The following LRCH1 variants were observed in gnomAD, a reference collection of about 807,000 sequenced individuals.
LRCH1 encodes the protein leucine rich repeats and calponin homology domain containing 1.
Under a neutral mutation model 94.9 loss-of-function variants are expected in LRCH1, and 23 were observed. The observed-to-expected ratio is 0.24, with a 90% CI of 0.17 to 0.34. The LOEUF is 0.34. LRCH1 is among the 10% of genes least tolerant of loss of function. LRCH1 has a pLI of 1.00. For synonymous variants in LRCH1, 364 were observed against 354.9 expected (o/e 1.03, Z -0.29); for missense variants, 790 against 945.9 (o/e 0.84, Z 2.16).
chr13:46,677,274 A>T (rs936759104), intron 3 of LRCH1, among the ~76,000 whole-genome samples: 2 of 150,540 alleles, frequency 1.3e-5, no homozygotes, highest in African/African-American at 4.9e-5. Context: ...AAAAAAAAAA[A>T]AAAAGTTAGC....
chr13:46,661,352 T>C (rs2051445556), intron 2 of LRCH1, among the ~76,000 whole-genome samples: 1 of 152,226 alleles, frequency 6.6e-6, no homozygotes, highest in Non-Finnish European at 1.5e-5. Context: ...GTTGTGAATA[T>C]AAATAAAATA....
intron 1 of LRCH1, among the ~76,000 whole-genome samples, chr13:46,597,897 C>G (rs1183263143): frequency 1.3e-5 from 2 of 152,092 alleles, no homozygotes; most frequent in South Asian, 2.1e-4. Flanking sequence ...GAACCTAACC[C>G]TGTGTTTCCC....
intron 1 of LRCH1, among the ~76,000 whole-genome samples, chr13:46,626,335 A>G (rs947828133): frequency 3.3e-5 from 5 of 152,186 alleles, no homozygotes; most frequent in African/African-American, 1.2e-4. Flanking sequence ...AAACGTATAC[A>G]TCCAGATGGC....
At chr13:46,717,871 T>G (rs547957217) in intron 16 of LRCH1, among the ~76,000 whole-genome samples, 1 of 152,202 alleles carries the variant, frequency 6.6e-6, no homozygotes. Context: ...AAACTTATTC[T>G]TCAAACAGAT....
chr13:46,669,562 G>A (rs920190812), intron 3 of LRCH1, among the ~76,000 whole-genome samples: 2 of 152,186 alleles, frequency 1.3e-5, no homozygotes, highest in African/African-American at 4.8e-5. Context: ...AGAATGGGGT[G>A]CTCTGATTCT....
chr13:46,607,607 TCTC>T (rs2050702162), intron 1 of LRCH1, among the ~76,000 whole-genome samples: 1 of 152,028 alleles, frequency 6.6e-6, no homozygotes. Context: ...TCCTTCTCCT[TCTC>T]CTTCTCTTTC....
chr13:46,634,068 C>T (rs1027502430), intron 1 of LRCH1, among the ~76,000 whole-genome samples: 4 of 151,836 alleles, frequency 2.6e-5, no homozygotes, highest in South Asian at 2.1e-4. Flanking sequence ...TTAGTAGAGA[C>T]GGGGTTTCAC....
chr13:46,609,492 G>C (rs974584670), intron 1 of LRCH1, among the ~76,000 whole-genome samples: 2 of 152,138 alleles, frequency 1.3e-5, no homozygotes, highest in Admixed American at 1.3e-4. Context: ...TAAACATGTA[G>C]CTACTGATAT....
At chr13:46,708,434 G>T (rs1871887045) in intron 13 of LRCH1, among the ~76,000 whole-genome samples, 1 of 151,952 alleles carries the variant, frequency 6.6e-6, no homozygotes, top group Non-Finnish European at 1.5e-5. Flanking sequence ...ACCATGCCTG[G>T]CTAATTTTTG....
At chr13:46,609,044 C>T (rs181291458) in intron 1 of LRCH1, among the ~76,000 whole-genome samples, 21 of 152,310 alleles carry the variant, frequency 1.4e-4, no homozygotes, top group Non-Finnish European at 2.4e-4. Flanking sequence ...AAGCAGCCTC[C>T]ACCCAGGCAT....
intron 2 of LRCH1, among the ~76,000 whole-genome samples, chr13:46,660,265 C>T (rs553953960): frequency 2.0e-5 from 3 of 152,116 alleles, no homozygotes; most frequent in East Asian, 3.9e-4. Context: ...CCACCCACCT[C>T]GGCCTCCCAA....
chr13:46,734,909 T>C (rs1227292513), intron 19 of LRCH1, among the ~76,000 whole-genome samples: 1 of 152,234 alleles, frequency 6.6e-6, no homozygotes, highest in Non-Finnish European at 1.5e-5. Context: ...TTCTACTCAG[T>C]GATAGGAATT....
At chr13:46,557,927 T>G (rs752691760) in intron 1 of LRCH1, among the ~76,000 whole-genome samples, 1 of 152,072 alleles carries the variant, frequency 6.6e-6, no homozygotes, top group Non-Finnish European at 1.5e-5. Context: ...ATGCCTGTAG[T>G]TCCAGCTATG....
chr13:46,697,875 TG>T, intron 9 of LRCH1, among the ~76,000 whole-genome samples: 1 of 151,574 alleles, frequency 6.6e-6, no homozygotes, highest in African/African-American at 2.4e-5. Flanking sequence ...TTTTGCCTAA[TG>T]AAAAAAAGAG....
chr13:46,712,154 G>C (rs894213680), intron 14 of LRCH1, among the ~76,000 whole-genome samples: 1 of 152,210 alleles, frequency 6.6e-6, no homozygotes, highest in Non-Finnish European at 1.5e-5. Flanking sequence ...GTGTGATTCA[G>C]TATTACTGAG....
At position 46,695,072 on chromosome 13, in the gene LRCH1, C is replaced by T. The variant is rs369070390; in HGVS notation, c.1245+55C>T. 79 of 1,589,600 alleles carry T rather than the reference C, an allele frequency of 5.0e-5. No individual in the cohort carries two copies. In the Middle Eastern group the frequency reaches 6.9e-4, roughly 14 times the overall value. Reference sequence around the variant, plus strand: ...TTACTTATTTCCTTCTGTTTGGCACCGTACAATTTAAGTTGAAGGTTGCCA... The same window carrying T: ...TTACTTATTTCCTTCTGTTTGGCACTGTACAATTTAAGTTGAAGGTTGCCA... On this transcript the variant is annotated intron_variant, in intron 9 of 19. Transcript: ENST00000389797.
At chr13:46,587,949 A>G (rs1200031937) in intron 1 of LRCH1, among the ~76,000 whole-genome samples, 2 of 152,194 alleles carry the variant, frequency 1.3e-5, no homozygotes, top group African/African-American at 2.4e-5. Context: ...ACCATAGAGT[A>G]TGTAAGGGAT....
Position 46,553,546 on chromosome 13 carries a change from TGGCAGCGGG to T in LRCH1, c.154_162del (p.Ser52_Gly54del), listed in dbSNP as rs1391458301. On this transcript the variant is annotated inframe_deletion, in exon 1 of 20. Coordinates refer to ENST00000389797, the MANE Select transcript of LRCH1 (RefSeq NM_001164211.2). Reference sequence around the variant, plus strand: ...CCGGCGGGGCGGGTGGTGGCGGCGGTGGCAGCGGGGGCTTCAACCTGCCCTTGAACCGGG... The same window carrying T: ...CCGGCGGGGCGGGTGGTGGCGGCGGTGGCTTCAACCTGCCCTTGAACCGGG... 1.1e-5 allele frequency: 17 copies of T among 1,545,740 alleles called. No homozygotes were observed. The East Asian group carries it at 1.5e-4, about 13-fold the overall frequency.
chr13:46,610,273 G>A (rs906270751), intron 1 of LRCH1, among the ~76,000 whole-genome samples: 6 of 152,158 alleles, frequency 3.9e-5, no homozygotes, highest in Admixed American at 2.0e-4. Flanking sequence ...GTATGTGATC[G>A]TATACATTTT....
Sources: allele counts gnomAD v4.1 joint callset (sites outside exome capture counted in the v4.1 genomes callset), GRCh38; gene constraint gnomAD v4.1.1; transcripts MANE v1.5; gene names NCBI Gene and HGNC (gene_info 2026-07-23, HGNC 2026-07-21).